The following KCNQ1 variants were observed in gnomAD, a reference collection of about 807,000 sequenced individuals.
The protein encoded by KCNQ1 is potassium voltage-gated channel subfamily Q member 1, also known as potassium voltage-gated channel subfamily KQT member 1.
KCNQ1 carries 49 observed loss-of-function variants against 72.4 expected under a neutral mutation model. That is an observed-to-expected ratio of 0.68 (90% confidence interval 0.54 to 0.86). The LOEUF (loss-of-function observed/expected upper bound fraction) is 0.86. Among genes scored for constraint, KCNQ1 ranks in the 40% least tolerant of loss-of-function variants. The probability of loss-of-function intolerance (pLI) is 0.00; values close to 1 mark genes in which losing one functional copy is unlikely to be tolerated. For synonymous variants in KCNQ1, 450 were observed against 412.6 expected, an observed-to-expected ratio of 1.09 and a Z score of -1.10; for missense variants, 790 against 945.1, an observed-to-expected ratio of 0.84 and a Z score of 2.15.
chr11:2,633,036 A>C, intron 10 of KCNQ1: 1 of 398,494 alleles, frequency 2.5e-6, no homozygotes, highest in Non-Finnish European at 4.4e-6. Context: ...TCCCACAAAT[A>C]GTGTATTATT....
intron 4 of KCNQ1, 113 bp from the exon 5 acceptor site, chr11:2,571,900 G>A (rs1382750329): frequency 1.2e-6 from 1 of 836,802 alleles, no homozygotes; most frequent in Admixed American, 2.0e-5. Flanking sequence ...ACCCAGAGTG[G>A]ACGCCTGGGA....
intron 1 of KCNQ1, among the ~76,000 whole-genome samples, chr11:2,456,018 A>G (rs1014413443): frequency 2.6e-5 from 4 of 152,234 alleles, no homozygotes; most frequent in Non-Finnish European, 5.9e-5. Flanking sequence ...TCAGACTCCT[A>G]TCTATCACCA....
In KCNQ1 at chr11:2,462,679, C is replaced by T. The variant is rs1846295745; in HGVS notation, c.386+17195C>T. The stretch of plus-strand genomic sequence containing the variant: ...GGGTTGACCCTGCCTGTGACTTAGA[C>T]AGCTTGGAGGGCCAGGACTGAGGGG... On this transcript the variant is annotated intron_variant, in intron 1 of 15. Transcript: ENST00000155840. The surrounding 1 kb of genome is among the most constrained non-coding windows in gnomAD (Gnocchi z 8.2). Among the ~76,000 whole-genome samples, 1 of 151,454 alleles carries T rather than the reference C, an allele frequency of 6.6e-6. No homozygotes were observed. Among genetic ancestry groups the T allele is most frequent in the African/African-American group, 2.4e-5 (1 of 41,108 alleles).
chr11:2,527,356 G>A (rs1564807065), intron 1 of KCNQ1, among the ~76,000 whole-genome samples: 3 of 152,160 alleles, frequency 2.0e-5, no homozygotes, highest in Admixed American at 6.5e-5. Context: ...CCCTGCCCTG[G>A]GCCCTGAACT....
chr11:2,631,585 G>A (rs1849353870), intron 10 of KCNQ1: 2 of 398,226 alleles, frequency 5.0e-6, no homozygotes, highest in Non-Finnish European at 8.8e-6. Context: ...AATTTCTTGG[G>A]AGTCAGTCCC....
Position 2,690,365 on chromosome 11 carries a change from T to C in KCNQ1, c.1514+28284T>C, listed in dbSNP as rs1004581632. Reference sequence around the variant, plus strand: ...GCCCTGCAGCTGCTGTTTCCACTACTTGGCATGGAACATGTGCCAGACCAA... The same window carrying C: ...GCCCTGCAGCTGCTGTTTCCACTACCTGGCATGGAACATGTGCCAGACCAA... On this transcript the variant is annotated intron_variant, in intron 11 of 15. Coordinates refer to ENST00000155840, the MANE Select transcript of KCNQ1 (RefSeq NM_000218.3). The surrounding 1 kb of genome is among the most constrained non-coding windows in gnomAD (Gnocchi z 5.1). 5.0e-6 allele frequency: 2 copies of C among 398,594 alleles called. No homozygotes were observed. Among genetic ancestry groups the C allele is most frequent in the Admixed American group, 4.4e-5 (1 of 22,714 alleles). 24.7% of individuals were successfully genotyped at this position (398,594 alleles called of 1,614,324 possible). A position where few individuals can be genotyped will look rare whatever the true frequency, so the allele number is the denominator to read the frequency against.
At chr11:2,665,168 G>C (rs562051282) in intron 11 of KCNQ1, 3 of 398,606 alleles carry the variant, frequency 7.5e-6, no homozygotes, top group African/African-American at 4.1e-5. Flanking sequence ...ACCAGCTCTG[G>C]GCGGCCAGGA....
At chr11:2,700,287 C>T (rs867737140) in intron 11 of KCNQ1, among the ~76,000 whole-genome samples, 10 of 152,226 alleles carry the variant, frequency 6.6e-5, no homozygotes, top group Non-Finnish European at 8.8e-5. Flanking sequence ...CTGAGCACCA[C>T]CGGGGGCCGG....
Position 2,611,011 on chromosome 11 carries a change from G to GTCTATTATTGTTCAA in KCNQ1, c.1393+22158_1393+22159insCTATTATTGTTCAAT. The GTCTATTATTGTTCAA allele has an allele frequency of 1.3e-5, 5 of 398,018 alleles. No individual in the cohort carries two copies. The highest frequency in any genetic ancestry group is 6.3e-4 in the Middle Eastern group (1 of 1,588). 24.7% of individuals were successfully genotyped at this position (398,018 alleles called of 1,614,324 possible). On this transcript the variant is annotated intron_variant, in intron 10 of 15. Coordinates refer to ENST00000155840, the MANE Select transcript of KCNQ1 (RefSeq NM_000218.3). This position sits in a 1 kb window ranked among gnomAD's most constrained non-coding sequence, Gnocchi z 5.3. Reference sequence around the variant, plus strand: ...TTGTTGAGTTGTCTATTATTGTTCAGTTGTCTGTTTCTCTCTTCATTTCTG... The same window carrying GTCTATTATTGTTCAA: ...TTGTTGAGTTGTCTATTATTGTTCAGTCTATTATTGTTCAATTGTCTGTTTCTCTCTTCATTTCTG...
At chr11:2,575,935 A>G (rs1848417003) in intron 6 of KCNQ1, among the ~76,000 whole-genome samples, 2 of 152,234 alleles carry the variant, frequency 1.3e-5, no homozygotes, top group African/African-American at 4.8e-5. Flanking sequence ...CCGAAAGCTC[A>G]GGGAGAAATT....
chr11:2,719,500 C>CAAAAA (rs3216307), intron 11 of KCNQ1, among the ~76,000 whole-genome samples: 2 of 144,364 alleles, frequency 1.4e-5, no homozygotes, highest in Admixed American at 6.9e-5. Flanking sequence ...AACAAACAAA[C>CAAAAA]AAAAAAAAAA....
In KCNQ1 at chr11:2,848,860, G is replaced by C. The variant is rs181022556; in HGVS notation, c.*857G>C. On this transcript the variant is annotated 3_prime_UTR_variant, in exon 16 of 16. Coordinates refer to ENST00000155840, the MANE Select transcript of KCNQ1 (RefSeq NM_000218.3). Reference sequence around the variant, plus strand: ...GTGACGGTTCCTACACAGGACAGGGGTTCCTTCTGGGCATTACATCGCATA... The same window carrying C: ...GTGACGGTTCCTACACAGGACAGGGCTTCCTTCTGGGCATTACATCGCATA... 1 of 454,056 alleles carries C rather than the reference G, an allele frequency of 2.2e-6. No homozygotes were observed. The highest frequency in any genetic ancestry group is 2.0e-5 in the African/African-American group (1 of 50,016). The allele number at this position is 454,056 out of a possible 1,614,324, so 28.1% of individuals were successfully genotyped here.
rs555254313 is a variant in KCNQ1, at chr11:2,488,624, C to G, written c.387-39304C>G. ...AATTTGTCCATTTCATCTAGGTTAT[C>G]CAATTTGTTGATACACAATTGTTCA... is the stretch of plus-strand genomic sequence containing the variant. On this transcript the variant is annotated intron_variant, in intron 1 of 15. Transcript: ENST00000155840. This position sits in a 1 kb window ranked among gnomAD's most constrained non-coding sequence, Gnocchi z 5.1. Among the ~76,000 whole-genome samples, 4 of 152,228 alleles carry G rather than the reference C, an allele frequency of 2.6e-5. No individual in the cohort carries two copies. The East Asian group carries it at 7.7e-4, about 29-fold the overall frequency.
At position 2,645,348 on chromosome 11, in the gene KCNQ1, G is replaced by A. The variant is rs1849650050; in HGVS notation, c.1394-16613G>A. On this transcript the variant is annotated intron_variant, in intron 10 of 15. Coordinates refer to ENST00000155840, the MANE Select transcript of KCNQ1 (RefSeq NM_000218.3). This position sits in a 1 kb window ranked among gnomAD's most constrained non-coding sequence, Gnocchi z 5.8. ...GGGCAGGGTGATCCCTAGGCCCAGAGATGGTATGCGCTGGCACTGGGAGAA... is the reference window on the plus strand; with the variant it reads ...GGGCAGGGTGATCCCTAGGCCCAGAAATGGTATGCGCTGGCACTGGGAGAA... The A allele has an allele frequency of 2.5e-6, 1 of 398,654 alleles. No homozygotes were observed. The highest frequency in any genetic ancestry group is 2.1e-5 in the African/African-American group (1 of 48,618). The allele number at this position is 398,654 out of a possible 1,614,324, so 24.7% of individuals were successfully genotyped here.
intron 15 of KCNQ1, 27 bp downstream of exon 15, chr11:2,778,064 G>C: frequency 6.2e-7 from 1 of 1,611,008 alleles, no homozygotes; most frequent in Non-Finnish European, 8.5e-7. Flanking sequence ...GCCTGCGGTG[G>C]TTCTGGTTAG....
In KCNQ1 at chr11:2,559,948, C is replaced by T. The variant is rs1403361416; in HGVS notation, c.478-10680C>T. 1.3e-5 allele frequency among the ~76,000 whole-genome samples: 2 copies of T among 151,706 alleles called. No homozygotes were observed. The highest frequency in any genetic ancestry group is 4.0e-4 in the East Asian group (2 of 5,040). On this transcript the variant is annotated intron_variant, in intron 2 of 15. Transcript: ENST00000155840. This position sits in a 1 kb window ranked among gnomAD's most constrained non-coding sequence, Gnocchi z 4.9. Reference sequence around the variant, plus strand: ...TGTCTTCCTGCAGGGCCAGGACCCCCAGAGTGTTCCAGTGACTTCAGAGAG... The same window carrying T: ...TGTCTTCCTGCAGGGCCAGGACCCCTAGAGTGTTCCAGTGACTTCAGAGAG...
At chr11:2,778,841 C>G (rs1435782347) in intron 15 of KCNQ1, among the ~76,000 whole-genome samples, 1 of 152,236 alleles carries the variant, frequency 6.6e-6, no homozygotes, top group African/African-American at 2.4e-5. Flanking sequence ...ACGCCTGGCT[C>G]TGGCCTGCTT....
chr11:2,699,614 A>AGAGAACCGCGCCGAAGAACCCCCGG (rs1554908679), intron 11 of KCNQ1: 1 of 230,448 alleles, frequency 4.3e-6, no homozygotes, highest in Non-Finnish European at 7.0e-6. Flanking sequence ...AGGCCCCCGG[A>AGAGAACCGCGCCGAAGAACCCCCGG]GAGAACCGCG....
In KCNQ1 at chr11:2,481,945, C is replaced by T. The variant is rs1015983547; in HGVS notation, c.386+36461C>T. Among the ~76,000 whole-genome samples, 5 of 152,202 alleles carry T rather than the reference C, an allele frequency of 3.3e-5. No homozygotes were observed. The highest frequency in any genetic ancestry group is 5.9e-5 in the Non-Finnish European group (4 of 68,034). ...GTGCTTGAATCATCCCAGAACCACCCACACCACTGGTCTGTGGAAAAACTG... is the reference window on the plus strand; with the variant it reads ...GTGCTTGAATCATCCCAGAACCACCTACACCACTGGTCTGTGGAAAAACTG... On this transcript the variant is annotated intron_variant, in intron 1 of 15. Transcript: ENST00000155840. This position sits in a 1 kb window ranked among gnomAD's most constrained non-coding sequence, Gnocchi z 4.6.
Sources: gnomAD v4.1 joint callset for allele counts (sites outside exome capture counted in the v4.1 genomes callset) on GRCh38, gnomAD v4.1.1 for gene constraint, Gnocchi (gnomAD v3.1) non-coding constraint, MANE v1.5 for transcripts, NCBI Gene and HGNC (gene_info 2026-07-23, HGNC 2026-07-21) for gene names.